XYLT1: variants seen among roughly 807,000 people sequenced by gnomAD.
The protein encoded by XYLT1 is xylosyltransferase 1.
A neutral mutation model predicts 91.3 loss-of-function variants in XYLT1; 36 were observed. The ratio of observed to expected loss-of-function variants is 0.39; its 90% CI spans 0.30 to 0.52. The LOEUF (loss-of-function observed/expected upper bound fraction) is 0.52, where lower values mean the gene tolerates loss of function less well. Among genes scored for constraint, XYLT1 ranks in the 20% least tolerant of loss-of-function variants. The pLI is 0.68. For missense variants in XYLT1, 1,242 were observed against 1,284.5 expected (o/e 0.97, Z 0.51); for synonymous variants, 588 against 532.0 (o/e 1.11, Z -1.45).
intron 11 of XYLT1, among the ~76,000 whole-genome samples, chr16:17,114,348 C>G (rs974834290): frequency 1.9e-4 from 29 of 152,286 alleles, no homozygotes; most frequent in African/African-American, 6.5e-4. Context: ...TTGTGATTAG[C>G]GGGCAGAAGG....
At chr16:17,174,026 T>C (rs1187392870) in intron 5 of XYLT1, among the ~76,000 whole-genome samples, 3 of 152,108 alleles carry the variant, frequency 2.0e-5, no homozygotes, top group Non-Finnish European at 4.4e-5. Context: ...TCAAAGGTTT[T>C]CTCAGGGAAG....
At chr16:17,109,967 G>A (rs1440632364) in intron 11 of XYLT1, among the ~76,000 whole-genome samples, 1 of 152,132 alleles carries the variant, frequency 6.6e-6, no homozygotes, top group African/African-American at 2.4e-5. Context: ...TGGGGTGGGA[G>A]GTCAAACTAG....
chr16:17,299,321 GA>G (rs2034359990), intron 2 of XYLT1, among the ~76,000 whole-genome samples: 1 of 152,154 alleles, frequency 6.6e-6, no homozygotes, highest in Admixed American at 6.5e-5. Context: ...ACAGAATGAA[GA>G]GGGGGTGGCA....
At chr16:17,204,151 G>A (rs2032595991) in intron 3 of XYLT1, among the ~76,000 whole-genome samples, 1 of 152,242 alleles carries the variant, frequency 6.6e-6, no homozygotes, top group South Asian at 2.1e-4. Context: ...CTCTGCAGAA[G>A]TGGAGATTTG....
chr16:17,199,598 T>C (rs763543437), intron 4 of XYLT1, among the ~76,000 whole-genome samples: 8 of 152,214 alleles, frequency 5.3e-5, no homozygotes, highest in Non-Finnish European at 8.8e-5. Flanking sequence ...GATAACTGAA[T>C]CACAGGGGTG....
At chr16:17,143,175 ACG>A (rs2141522787) in intron 6 of XYLT1, among the ~76,000 whole-genome samples, 1 of 152,298 alleles carries the variant, frequency 6.6e-6, no homozygotes, top group South Asian at 2.1e-4. Context: ...TTTGGGCCAA[ACG>A]CTCAGTCCAT....
intron 3 of XYLT1, among the ~76,000 whole-genome samples, chr16:17,253,747 C>T (rs925909341): frequency 5.9e-5 from 9 of 151,860 alleles, no homozygotes; most frequent in African/African-American, 2.2e-4. Context: ...CCTCCACCAC[C>T]CCAGGCTCTT....
chr16:17,300,603 C>T (rs774316403), intron 2 of XYLT1, among the ~76,000 whole-genome samples: 20 of 146,982 alleles, frequency 1.4e-4, no homozygotes, highest in Non-Finnish European at 2.4e-4. Flanking sequence ...GTTACAGGCA[C>T]CTGCCACCAT....
chr16:17,345,417 C>T (rs977406791), intron 2 of XYLT1, among the ~76,000 whole-genome samples: 2 of 152,188 alleles, frequency 1.3e-5, no homozygotes, highest in South Asian at 4.1e-4. Context: ...AAGTCTTTGC[C>T]CTCTCTGTGG....
intron 1 of XYLT1, among the ~76,000 whole-genome samples, chr16:17,436,583 G>C (rs2036462409): frequency 6.6e-6 from 1 of 152,162 alleles, no homozygotes; most frequent in African/African-American, 2.4e-5. Context: ...CTACGGGTTG[G>C]GAACGAGGTC....
intron 1 of XYLT1, among the ~76,000 whole-genome samples, chr16:17,372,830 C>A (rs552910421): frequency 6.6e-6 from 1 of 152,064 alleles, no homozygotes; most frequent in Non-Finnish European, 1.5e-5. Context: ...TGACATATAC[C>A]TACTTCCCAG....
At chr16:17,240,776 T>C (rs2033333475) in intron 3 of XYLT1, among the ~76,000 whole-genome samples, 1 of 152,206 alleles carries the variant, frequency 6.6e-6, no homozygotes, top group Admixed American at 6.5e-5. Flanking sequence ...TACTTTATTA[T>C]GTATTACACA....
chr16:17,356,186 C>T (rs113780196), intron 2 of XYLT1, among the ~76,000 whole-genome samples: 2,549 of 152,184 alleles, frequency 0.017, 74 homozygotes, highest in African/African-American at 0.058. Context: ...AACCACCCCC[C>T]GGTTTAGAAC....
intron 1 of XYLT1, among the ~76,000 whole-genome samples, chr16:17,439,722 A>T (rs939471527): frequency 5.9e-5 from 9 of 152,198 alleles, no homozygotes; most frequent in African/African-American, 2.2e-4. Flanking sequence ...TAGAAAGGTG[A>T]TAAAGATGTG....
intron 2 of XYLT1, among the ~76,000 whole-genome samples, chr16:17,270,123 T>C (rs1267546552): frequency 1.3e-5 from 2 of 152,242 alleles, no homozygotes; most frequent in African/African-American, 2.4e-5. Context: ...TCCTTCTCTC[T>C]TTAAAACACC....
intron 10 of XYLT1, among the ~76,000 whole-genome samples, chr16:17,118,994 C>T (rs1457221159): frequency 1.3e-5 from 2 of 152,140 alleles, no homozygotes; most frequent in Non-Finnish European, 2.9e-5. Context: ...TCAAATGGAC[C>T]TTCAGTCAAT....
At chr16:17,242,814 C>A (rs1458484839) in intron 3 of XYLT1, among the ~76,000 whole-genome samples, 1 of 152,194 alleles carries the variant, frequency 6.6e-6, no homozygotes, top group African/African-American at 2.4e-5. Flanking sequence ...CTACTCCTGT[C>A]TCTAGGAATT....
At chr16:17,143,279 T>A (rs1293524526) in intron 6 of XYLT1, among the ~76,000 whole-genome samples, 1 of 152,112 alleles carries the variant, frequency 6.6e-6, no homozygotes, top group Admixed American at 6.5e-5. Flanking sequence ...ACCATCATCA[T>A]CATCTCCATC....
At chr16:17,418,881 T>TA (rs1226403838) in intron 1 of XYLT1, among the ~76,000 whole-genome samples, 1 of 151,726 alleles carries the variant, frequency 6.6e-6, no homozygotes, top group Non-Finnish European at 1.5e-5. Context: ...AGGCTGTTCT[T>TA]ATGTCATTAC....
Sources: allele counts gnomAD v4.1 joint callset (sites outside exome capture counted in the v4.1 genomes callset), GRCh38; gene constraint gnomAD v4.1.1; transcripts MANE v1.5; gene names NCBI Gene and HGNC (gene_info 2026-07-23, HGNC 2026-07-21).